SYT12: variants seen among roughly 807,000 people sequenced by gnomAD.
The protein encoded by SYT12 is synaptotagmin-12.
A neutral mutation model predicts 39.5 loss-of-function variants in SYT12; 27 were observed. The observed-to-expected ratio is 0.68, with a 90% confidence interval of 0.50 to 0.94. The LOEUF (loss-of-function observed/expected upper bound fraction) is 0.94. SYT12 is among the 40% of genes least tolerant of loss of function. The pLI, the probability that SYT12 is intolerant of heterozygous loss-of-function variation, is 0.00. For synonymous variants in SYT12, 233 were observed against 239.7 expected, an observed-to-expected ratio of 0.97 and a Z score of 0.26; for missense variants, 536 against 572.6, an observed-to-expected ratio of 0.94 and a Z score of 0.65.
At chr11:67,019,192 G>A (rs192898595), upstream of SYT12, among the ~76,000 whole-genome samples, 324 of 152,216 alleles carry the variant, frequency 2.1e-3, 1 homozygote, top group African/African-American at 7.4e-3. Context: ...CCATCAGATC[G>A]CTGGGCGTGG....
At chr11:67,038,240 C>T (rs1184235989) in intron 3 of SYT12, among the ~76,000 whole-genome samples, 1 of 151,926 alleles carries the variant, frequency 6.6e-6, no homozygotes, top group East Asian at 1.9e-4. Flanking sequence ...AATCTCAGCT[C>T]ACTGCAACCT....
intron 3 of SYT12, among the ~76,000 whole-genome samples, chr11:67,015,256 G>T (rs1950048196): frequency 6.6e-6 from 1 of 152,216 alleles, no homozygotes; most frequent in Admixed American, 6.5e-5. Context: ...TGGGCAGGGG[G>T]TCGCAACAGG....
At chr11:67,042,648 T>C (rs1415858644) in intron 4 of SYT12, among the ~76,000 whole-genome samples, 1 of 152,086 alleles carries the variant, frequency 6.6e-6, no homozygotes, top group East Asian at 1.9e-4. Flanking sequence ...CAGGCCCCCA[T>C]GAGCAGGGGA....
chr11:67,014,458 A>G (rs1950037323), intron 3 of SYT12, among the ~76,000 whole-genome samples: 1 of 152,224 alleles, frequency 6.6e-6, no homozygotes, highest in African/African-American at 2.4e-5. Flanking sequence ...CACAGATCCA[A>G]GGGCTGGCTT....
chr11:67,035,784 C>A (rs1054750934), intron 3 of SYT12, among the ~76,000 whole-genome samples: 6 of 120,284 alleles, frequency 5.0e-5, no homozygotes, highest in Admixed American at 4.2e-4. Flanking sequence ...CTTTTCTTTT[C>A]TTTTCTTTCC....
intron 3 of SYT12, among the ~76,000 whole-genome samples, chr11:67,035,746 C>T (rs1374882554): frequency 8.6e-5 from 13 of 151,722 alleles, no homozygotes; most frequent in Non-Finnish European, 5.9e-5. Context: ...CGTGAGCCAC[C>T]GCGCCCGGCC....
At chr11:67,028,176 C>A (rs1950207571) in intron 1 of SYT12, 1 of 152,130 alleles carries the variant, frequency 6.6e-6, no homozygotes, top group African/African-American at 2.4e-5. Flanking sequence ...CCTCATGGGG[C>A]TGTTAGGCAA....
intron 3 of SYT12, among the ~76,000 whole-genome samples, chr11:67,035,582 T>A (rs1286328311): frequency 6.7e-6 from 1 of 150,250 alleles, no homozygotes; most frequent in Non-Finnish European, 1.5e-5. Flanking sequence ...CTCAGCCTCC[T>A]GAGTAGCTGG....
chr11:67,030,096 T>G, intron 1 of SYT12, 26 bp from the exon 2 acceptor site: 2 of 1,610,946 alleles, frequency 1.2e-6, no homozygotes, highest in Non-Finnish European at 1.7e-6. Context: ...TGCAGCCCTC[T>G]CCTCTCACTC....
At chr11:67,013,620 T>TGAATACCAGAAACCAGCCA (rs1269138652) in intron 3 of SYT12, among the ~76,000 whole-genome samples, 1 of 152,134 alleles carries the variant, frequency 6.6e-6, no homozygotes, top group Non-Finnish European at 1.5e-5. Flanking sequence ...CCAGTTACCT[T>TGAATACCAGAAACCAGCCA]GTTACTGAAT....
At chr11:67,034,207 CT>C (rs1291307152) in intron 2 of SYT12, among the ~76,000 whole-genome samples, 1 of 152,206 alleles carries the variant, frequency 6.6e-6, no homozygotes, top group Non-Finnish European at 1.5e-5. Flanking sequence ...TTTCCAGCCC[CT>C]GACAGTCACT....
chr11:67,044,670 T>G lies in SYT12; in HGVS notation c.915T>G (p.Val305=), dbSNP rs1340547699. The change falls in exon 6 of 8, where the codon GTT becomes GTG. Residue 305 remains valine, a synonymous_variant. Transcript: ENST00000527043. The stretch of plus-strand genomic sequence containing the variant: ...CCGAGCGCCTCACCGTGGTCGTGGT[T>G]AAGGCCAAGAACCTCATCTGGACCA... The part of the protein sequence containing the change: ...PTAERLTVVV[V]KAKNLIWTND... 6.2e-7 allele frequency: 1 copy of G among 1,613,544 alleles called. No homozygotes were observed. Among genetic ancestry groups the G allele is most frequent in the Non-Finnish European group, 8.5e-7 (1 of 1,179,982 alleles).
At chr11:67,026,034 G>T (rs142604209) in intron 1 of SYT12, among the ~76,000 whole-genome samples, 12 of 152,012 alleles carry the variant, frequency 7.9e-5, no homozygotes, top group African/African-American at 2.7e-4. Context: ...TCCAGCCTGG[G>T]TGAAAGAGCG....
intron 3 of SYT12, among the ~76,000 whole-genome samples, chr11:67,039,496 C>A (rs971753510): frequency 6.6e-6 from 1 of 151,978 alleles, no homozygotes; most frequent in Non-Finnish European, 1.5e-5. Flanking sequence ...CCCCTGTAAT[C>A]CCAGCTACTC....
intron 3 of SYT12, among the ~76,000 whole-genome samples, chr11:67,036,449 C>T (rs954801061): frequency 2.6e-5 from 4 of 152,174 alleles, no homozygotes; most frequent in Admixed American, 2.6e-4. Context: ...GGGGCACACA[C>T]ATTCTTAGGG....
chr11:67,042,186 C>T (rs1159862267), intron 4 of SYT12, among the ~76,000 whole-genome samples: 1 of 152,146 alleles, frequency 6.6e-6, no homozygotes, highest in African/African-American at 2.4e-5. Context: ...CCCATGACTC[C>T]GTTTCCCCAT....
chr11:67,038,314 A>G (rs1045078528), intron 3 of SYT12, among the ~76,000 whole-genome samples: 1 of 151,874 alleles, frequency 6.6e-6, no homozygotes, highest in Non-Finnish European at 1.5e-5. Context: ...TTATAGGTGC[A>G]TGCCGCCACA....
In SYT12 at chr11:67,041,661, G is replaced by A. The variant is rs191629100; in HGVS notation, c.621+1458G>A. Among the ~76,000 whole-genome samples, 44 of 152,250 alleles carry A rather than the reference G, an allele frequency of 2.9e-4. No individual in the cohort carries two copies. In the East Asian group the frequency reaches 8.1e-3, roughly 28 times the overall value. ...GTTACTGGGCCCAAAAGGATAGAGGGCCACCTTGTGTGGAGAGGGCTACCT... is the reference window on the plus strand; with the variant it reads ...GTTACTGGGCCCAAAAGGATAGAGGACCACCTTGTGTGGAGAGGGCTACCT... On this transcript the variant is annotated intron_variant, in intron 4 of 7. Transcript: ENST00000527043.
intron 3 of SYT12, among the ~76,000 whole-genome samples, 164 bp downstream of exon 3, chr11:67,035,002 C>CT (rs11316433): frequency 0.028 from 3,115 of 112,008 alleles, 57 homozygotes; most frequent in African/African-American, 0.044. Flanking sequence ...ACATCTTCAA[C>CT]TTTTTTTTTT....
Sources: allele counts gnomAD v4.1 joint callset (sites outside exome capture counted in the v4.1 genomes callset), GRCh38; gene constraint gnomAD v4.1.1; transcripts MANE v1.5; gene names NCBI Gene and HGNC (gene_info 2026-07-23, HGNC 2026-07-21).